EFR3A: variants seen among roughly 807,000 people sequenced by gnomAD.
The protein encoded by EFR3A is protein EFR3 homolog A.
A neutral mutation model predicts 104.4 loss-of-function variants in EFR3A; 76 were observed. That is an observed-to-expected ratio of 0.73 (90% confidence interval 0.60 to 0.88). The LOEUF (loss-of-function observed/expected upper bound fraction) is 0.88. EFR3A is among the 40% of genes least tolerant of loss of function. EFR3A has a pLI of 0.00. For synonymous variants in EFR3A, 330 were observed against 330.0 expected (o/e 1.00, Z 0.00); for missense variants, 985 against 1,012.5 (o/e 0.97, Z 0.37).
At chr8:131,964,399 A>G (rs1269434967) in intron 8 of EFR3A, among the ~76,000 whole-genome samples, 1 of 152,048 alleles carries the variant, frequency 6.6e-6, no homozygotes, top group Non-Finnish European at 1.5e-5. Context: ...TCAATGTGCA[A>G]AAATCACAAG....
At chr8:131,963,879 A>G (rs1025916523) in intron 8 of EFR3A, among the ~76,000 whole-genome samples, 1 of 152,216 alleles carries the variant, frequency 6.6e-6, no homozygotes, top group Non-Finnish European at 1.5e-5. Context: ...CACCATGATC[A>G]AGTGGGCTTC....
chr8:131,996,293 C>A, intron 18 of EFR3A, 113 bp from the exon 19 acceptor site: 1 of 627,650 alleles, frequency 1.6e-6, no homozygotes, highest in Non-Finnish European at 2.6e-6. Context: ...ACAAAAAAGA[C>A]AAACTGTCTG....
intron 18 of EFR3A, among the ~76,000 whole-genome samples, chr8:131,994,678 A>G (rs1244646492): frequency 6.6e-6 from 1 of 152,172 alleles, no homozygotes; most frequent in Non-Finnish European, 1.5e-5. Flanking sequence ...AAGATTTTGA[A>G]CGATGACACT....
chr8:131,949,309 A>G (rs11992180), intron 4 of EFR3A, among the ~76,000 whole-genome samples: 51,053 of 151,886 alleles, frequency 0.34, 8,968 homozygotes, highest in East Asian at 0.61. Flanking sequence ...TAGATGAGGA[A>G]TTACAGCTAA....
intron 1 of EFR3A, among the ~76,000 whole-genome samples, chr8:131,934,977 A>G (rs1042041299): frequency 6.6e-6 from 1 of 152,124 alleles, no homozygotes; most frequent in Non-Finnish European, 1.5e-5. Flanking sequence ...TGGAGGGAAT[A>G]TATGTGAGGC....
In EFR3A at chr8:132,011,139, A is replaced by G; in HGVS notation, c.*244A>G. On this transcript the variant is annotated 3_prime_UTR_variant, in exon 23 of 23. Coordinates refer to ENST00000254624, the MANE Select transcript of EFR3A (RefSeq NM_015137.6). The stretch of plus-strand genomic sequence containing the variant: ...AGGTTCCTGTTGCCTTTTTAAGTTG[A>G]ACATGTTTTGGTTTCACTTTATTCC... The G allele has an allele frequency of 8.5e-7, 1 of 1,172,742 alleles. No homozygotes were observed. The highest frequency in any genetic ancestry group is 1.1e-6 in the Non-Finnish European group (1 of 944,504). 72.6% of individuals were successfully genotyped at this position (1,172,742 alleles called of 1,614,324 possible). A position where few individuals can be genotyped will look rare whatever the true frequency, so the allele number is the denominator to read the frequency against.
In EFR3A at chr8:131,959,678, A is replaced by C; in HGVS notation, c.855+15A>C. 1 of 1,583,436 alleles carries C rather than the reference A, an allele frequency of 6.3e-7. No homozygotes were observed. The highest frequency in any genetic ancestry group is 1.7e-5 in the Admixed American group (1 of 57,298). On this transcript the variant is annotated intron_variant, in intron 8 of 22. Coordinates refer to ENST00000254624, the MANE Select transcript of EFR3A (RefSeq NM_015137.6). ...ATTCCATTCAGGTAAGGTTTGATTA[A>C]CTATTTACTGTATTTATATAAGTAA...
At chr8:131,974,201 C>T (rs942151161) in intron 10 of EFR3A, among the ~76,000 whole-genome samples, 3 of 152,120 alleles carry the variant, frequency 2.0e-5, no homozygotes, top group Non-Finnish European at 4.4e-5. Context: ...TAAAAGCTCC[C>T]CTAGGTAATT....
intron 19 of EFR3A, chr8:132,001,041 C>A (rs1251298710): frequency 6.6e-6 from 1 of 152,158 alleles, no homozygotes; most frequent in Admixed American, 6.5e-5. Context: ...TTCAGAGATA[C>A]TATAGGAACT....
rs1239049487 is a variant in EFR3A at position 131,930,499 on chromosome 8, G to A, written c.11-10000G>A. Among the ~76,000 whole-genome samples, 6 of 121,640 alleles carry A rather than the reference G, an allele frequency of 4.9e-5. No individual in the cohort carries two copies. The South Asian group carries it at 1.6e-3, about 33-fold the overall frequency. The allele number at this position is 121,640 out of a possible 152,430, so 79.8% of individuals were successfully genotyped here. A position where few individuals can be genotyped will look rare whatever the true frequency, so the allele number is the denominator to read the frequency against. On this transcript the variant is annotated intron_variant, in intron 1 of 22. Coordinates refer to ENST00000254624, the MANE Select transcript of EFR3A (RefSeq NM_015137.6). ...TCTTAAGAGAAATTTCAAAGGTCTG[G>A]TCATGTTTTAGAAAAACGTGGAAAA...
chr8:132,005,807 A>AT (rs1822013564), intron 22 of EFR3A, among the ~76,000 whole-genome samples: 4 of 152,138 alleles, frequency 2.6e-5, no homozygotes, highest in African/African-American at 9.7e-5. Flanking sequence ...GCAAATACAG[A>AT]ATATAGATTC....
chr8:131,979,461 T>A (rs1563685830), intron 14 of EFR3A, 40 bp downstream of exon 14: 1 of 1,347,252 alleles, frequency 7.4e-7, no homozygotes, highest in Non-Finnish European at 1.0e-6. Context: ...TAGTGTAAAT[T>A]ACAGCCGTTT....
At chr8:131,965,422 AAAG>A (rs1819647763) in intron 8 of EFR3A, among the ~76,000 whole-genome samples, 1 of 152,258 alleles carries the variant, frequency 6.6e-6, no homozygotes, top group South Asian at 2.1e-4. Flanking sequence ...ACACTTCTCA[AAAG>A]AAGACATTTA....
chr8:132,001,630 T>G, intron 19 of EFR3A, 129 bp from the exon 20 acceptor site: 1 of 726,944 alleles, frequency 1.4e-6, no homozygotes, highest in African/African-American at 1.8e-5. Flanking sequence ...TAATCACAGC[T>G]CACAGCTCAG....
chr8:131,982,277 TA>T (rs1820655215), intron 14 of EFR3A, among the ~76,000 whole-genome samples: 1 of 152,164 alleles, frequency 6.6e-6, no homozygotes, highest in Non-Finnish European at 1.5e-5. Flanking sequence ...ATACATTGTG[TA>T]TTCTTTTAAG....
At chr8:131,914,381 A>G (rs1439851892) in intron 1 of EFR3A, among the ~76,000 whole-genome samples, 1 of 152,084 alleles carries the variant, frequency 6.6e-6, no homozygotes, top group African/African-American at 2.4e-5. Flanking sequence ...GGACAGTTCT[A>G]TTTCTAATAC....
chr8:131,929,871 A>G (rs560688540), intron 1 of EFR3A, among the ~76,000 whole-genome samples: 2 of 152,280 alleles, frequency 1.3e-5, no homozygotes, highest in South Asian at 4.1e-4. Context: ...CAGTTTTACT[A>G]CTAGTAAAGC....
intron 6 of EFR3A, among the ~76,000 whole-genome samples, chr8:131,954,441 G>C (rs1424942835): frequency 6.6e-6 from 1 of 151,690 alleles, no homozygotes; most frequent in Non-Finnish European, 1.5e-5. Flanking sequence ...GTTCATATTT[G>C]ATTTGTCCTA....
chr8:131,909,904 A>G (rs1816431012), intron 1 of EFR3A, among the ~76,000 whole-genome samples: 1 of 152,114 alleles, frequency 6.6e-6, no homozygotes, highest in Admixed American at 6.5e-5. Flanking sequence ...AATGTTATAG[A>G]CCATACTATG....
Sources: allele counts gnomAD v4.1 joint callset (sites outside exome capture counted in the v4.1 genomes callset), GRCh38; gene constraint gnomAD v4.1.1; transcripts MANE v1.5; gene names NCBI Gene and HGNC (gene_info 2026-07-23, HGNC 2026-07-21).